Variants in STON2 observed in about 807,000 individuals in gnomAD.
STON2 encodes stonin-2.
Under a neutral mutation model 65.7 loss-of-function variants are expected in STON2, and 29 were observed. That is an observed-to-expected ratio of 0.44 (90% confidence interval 0.33 to 0.60). The LOEUF is 0.60. Among genes scored for constraint, STON2 ranks in the 20% least tolerant of loss-of-function variants. STON2 has a pLI of 0.03. For synonymous variants in STON2, 404 were observed against 414.2 expected, an observed-to-expected ratio of 0.98 and a Z score of 0.30; for missense variants, 1,054 against 1,118.1, an observed-to-expected ratio of 0.94 and a Z score of 0.82.
At chr14:81,272,902 A>G (rs923255300) in intron 6 of STON2, among the ~76,000 whole-genome samples, 2 of 152,226 alleles carry the variant, frequency 1.3e-5, no homozygotes, top group Non-Finnish European at 2.9e-5. Context: ...TGAGAGGGTT[A>G]AGTAAATTGC....
intron 5 of STON2, among the ~76,000 whole-genome samples, chr14:81,296,551 C>T (rs547776592): frequency 1.3e-4 from 20 of 152,300 alleles, no homozygotes; most frequent in African/African-American, 4.6e-4. Flanking sequence ...GCTAGACACA[C>T]AGCAGACTGG....
chr14:81,356,525 A>G (rs563935143), intron 4 of STON2, among the ~76,000 whole-genome samples: 1 of 152,056 alleles, frequency 6.6e-6, no homozygotes, highest in Non-Finnish European at 1.5e-5. Context: ...GGCCTCATAA[A>G]ATGAGTTAGG....
At chr14:81,421,538 G>A (rs559139231) in intron 2 of STON2, among the ~76,000 whole-genome samples, 1 of 152,328 alleles carries the variant, frequency 6.6e-6, no homozygotes, top group South Asian at 2.1e-4. Flanking sequence ...ATCGCAAGAT[G>A]GGGGATAGAG....
At chr14:81,362,893 G>T (rs940479510) in intron 4 of STON2, among the ~76,000 whole-genome samples, 1 of 152,146 alleles carries the variant, frequency 6.6e-6, no homozygotes, top group African/African-American at 2.4e-5. Context: ...CTTACACAAA[G>T]GTCTCGGTCC....
chr14:81,290,020 T>C (rs1895493122), intron 5 of STON2, among the ~76,000 whole-genome samples: 1 of 152,192 alleles, frequency 6.6e-6, no homozygotes, highest in African/African-American at 2.4e-5. Context: ...CCTCACTGCT[T>C]CCTTCAATAT....
intron 5 of STON2, among the ~76,000 whole-genome samples, chr14:81,311,636 G>T (rs915361101): frequency 1.3e-5 from 2 of 152,204 alleles, no homozygotes; most frequent in African/African-American, 4.8e-5. Context: ...TAGTTGTACA[G>T]TTAGGAAGTG....
Position 81,261,735 on chromosome 14 carries a change from C to T in STON2, c.*6679G>A. 6.9e-7 allele frequency: 1 copy of T among 1,451,572 alleles called. No individual in the cohort carries two copies. Among genetic ancestry groups the T allele is most frequent in the Non-Finnish European group, 9.0e-7 (1 of 1,108,082 alleles). The allele number at this position is 1,451,572 out of a possible 1,614,324, so 89.9% of individuals were successfully genotyped here. ...GACCTACTTCTGTGTCAGGTAGCAC[C>T]CAAATCCTAACATCTATTTTGGAGA... On this transcript the variant is annotated 3_prime_UTR_variant, in exon 8 of 8. Transcript: ENST00000614646.
intron 5 of STON2, among the ~76,000 whole-genome samples, chr14:81,280,903 C>T (rs1354535270): frequency 1.3e-5 from 2 of 150,844 alleles, no homozygotes; most frequent in African/African-American, 2.4e-5. Context: ...CCTAGATATT[C>T]GGGAGGCGGA....
chr14:81,393,101 G>C (rs1900155452), intron 3 of STON2, among the ~76,000 whole-genome samples: 1 of 152,164 alleles, frequency 6.6e-6, no homozygotes, highest in Admixed American at 6.5e-5. Flanking sequence ...AGCATTGTCA[G>C]TCACAAGATA....
chr14:81,307,386 G>T (rs1234653195), intron 5 of STON2, among the ~76,000 whole-genome samples: 2 of 152,146 alleles, frequency 1.3e-5, no homozygotes, highest in South Asian at 4.1e-4. Context: ...AACTCACTTG[G>T]ACTCAAAGCT....
At chr14:81,417,724 A>T (rs1246393895) in intron 2 of STON2, among the ~76,000 whole-genome samples, 3 of 152,214 alleles carry the variant, frequency 2.0e-5, no homozygotes, top group Non-Finnish European at 4.4e-5. Context: ...TCCAAGAAAA[A>T]ACAAAGTATG....
upstream of STON2, among the ~76,000 whole-genome samples, chr14:81,400,987 A>C (rs1397855288): frequency 6.6e-6 from 1 of 152,258 alleles, no homozygotes; most frequent in East Asian, 1.9e-4. Context: ...GTGACCTTAC[A>C]GAGGGCTTAC....
intron 3 of STON2, among the ~76,000 whole-genome samples, chr14:81,383,769 G>A (rs1394437904): frequency 1.3e-5 from 2 of 152,004 alleles, no homozygotes; most frequent in Admixed American, 6.6e-5. Flanking sequence ...ACTCTCAACC[G>A]CTACACCATA....
intron 3 of STON2, 130 bp downstream of exon 3, chr14:81,395,764 C>T: frequency 1.1e-6 from 1 of 887,476 alleles, no homozygotes; most frequent in South Asian, 1.6e-5. Flanking sequence ...TCCGTCTGCT[C>T]TCCCCTATGC....
At chr14:81,271,799 G>C (rs1050100389) in intron 6 of STON2, among the ~76,000 whole-genome samples, 7 of 152,206 alleles carry the variant, frequency 4.6e-5, no homozygotes, top group African/African-American at 1.7e-4. Flanking sequence ...AAACATTGAA[G>C]TACCCTATGC....
At chr14:81,435,676 C>G (rs1457146089) in intron 1 of STON2, among the ~76,000 whole-genome samples, 2 of 151,240 alleles carry the variant, frequency 1.3e-5, no homozygotes, top group Non-Finnish European at 2.9e-5. Context: ...GACGCGCACA[C>G]ACACGCACGA....
chr14:81,344,404 T>C (rs1373882126), intron 4 of STON2, among the ~76,000 whole-genome samples: 1 of 152,204 alleles, frequency 6.6e-6, no homozygotes, highest in Non-Finnish European at 1.5e-5. Context: ...CACACACTAA[T>C]ATAGCAAAAT....
Position 81,267,664 on chromosome 14 carries a change from T to G in STON2, c.*750A>C, listed in dbSNP as rs1359413224. 9.1e-6 allele frequency: 9 copies of G among 984,830 alleles called. No individual in the cohort carries two copies. Among genetic ancestry groups the G allele is most frequent in the Middle Eastern group, 5.2e-4 (1 of 1,920 alleles). 61.0% of individuals were successfully genotyped at this position (984,830 alleles called of 1,614,324 possible). On this transcript the variant is annotated 3_prime_UTR_variant, in exon 8 of 8. Transcript: ENST00000614646. ...CTCTTTTCTCCAAAATGAAGAAAAC[T>G]AAGATTAATTTTGCCTTCCCCTCAA...
chr14:81,329,503 A>T (rs570297587), intron 4 of STON2, among the ~76,000 whole-genome samples: 2 of 151,848 alleles, frequency 1.3e-5, no homozygotes, highest in South Asian at 4.2e-4. Context: ...GGAAAACGTC[A>T]TGAGAAGATG....
Sources: gnomAD v4.1 joint callset for allele counts (sites outside exome capture counted in the v4.1 genomes callset) on GRCh38, gnomAD v4.1.1 for gene constraint, MANE v1.5 for transcripts, NCBI Gene and HGNC (gene_info 2026-07-23, HGNC 2026-07-21) for gene names.